The following BCAP29 variants were observed in gnomAD, a reference collection of about 807,000 sequenced individuals.
BCAP29 encodes the protein B-cell receptor-associated protein 29.
BCAP29 carries 34 observed loss-of-function variants against 31.8 expected under a neutral mutation model. That is an observed-to-expected ratio of 1.07 (90% confidence interval 0.81 to 1.42). The LOEUF (loss-of-function observed/expected upper bound fraction) is 1.42. Among genes scored for constraint, BCAP29 ranks in the 40% most tolerant of loss-of-function variants. BCAP29 has a pLI of 0.00. For missense variants in BCAP29, 314 were observed against 269.2 expected (o/e 1.17, Z -1.16); for synonymous variants, 104 against 91.3 (o/e 1.14, Z -0.79).
intron 5 of BCAP29, among the ~76,000 whole-genome samples, chr7:107,599,530 A>G (rs1388948175): frequency 3.4e-5 from 5 of 146,044 alleles, no homozygotes; most frequent in Non-Finnish European, 7.4e-5. Flanking sequence ...TTAAAAAAAA[A>G]AAAAGAAAAA....
intron 6 of BCAP29, among the ~76,000 whole-genome samples, chr7:107,606,703 AGAACAT>A (rs1812162327): frequency 6.6e-6 from 1 of 152,242 alleles, no homozygotes; most frequent in Non-Finnish European, 1.5e-5. Context: ...CTGTTTGTTT[AGAACAT>A]TTATTAGAAC....
downstream of BCAP29, chr7:107,620,618 T>A (rs1047413546): frequency 6.6e-6 from 1 of 152,170 alleles, no homozygotes; most frequent in African/African-American, 2.4e-5. Context: ...TATTAGACTT[T>A]CCCCCTACTT....
chr7:107,600,539 C>A, intron 6 of BCAP29, 34 bp downstream of exon 6: 1 of 1,304,982 alleles, frequency 7.7e-7, no homozygotes, highest in Non-Finnish European at 1.1e-6. Flanking sequence ...AGTAAAAAGA[C>A]TAGCATGATA....
chr7:107,588,242 A>G lies in BCAP29; in HGVS notation c.193+4260A>G, dbSNP rs572290856. Among the ~76,000 whole-genome samples, 35 of 152,342 alleles carry G rather than the reference A, an allele frequency of 2.3e-4. No homozygotes were observed. In the South Asian group the frequency reaches 7.0e-3, roughly 31 times the overall value. ...AGGAATAGATATGGCATACAAATATAAAGTCAAAAATTAAGGATTTTTTAA... is the reference window on the plus strand; with the variant it reads ...AGGAATAGATATGGCATACAAATATGAAGTCAAAAATTAAGGATTTTTTAA... On this transcript the variant is annotated intron_variant, in intron 3 of 7. Transcript: ENST00000005259.
At chr7:107,580,158 C>G (rs535157880), upstream of BCAP29, 2 of 152,270 alleles carry the variant, frequency 1.3e-5, no homozygotes, top group South Asian at 4.1e-4. Flanking sequence ...GTGACCTCAG[C>G]CGGGACGGAC....
At chr7:107,588,681 A>T (rs964081839) in intron 3 of BCAP29, among the ~76,000 whole-genome samples, 1 of 152,192 alleles carries the variant, frequency 6.6e-6, no homozygotes, top group African/African-American at 2.4e-5. Flanking sequence ...GGCATAGACA[A>T]CGATATAGAA....
chr7:107,605,045 AC>A (rs1223416092), intron 6 of BCAP29, among the ~76,000 whole-genome samples: 1 of 152,134 alleles, frequency 6.6e-6, no homozygotes, highest in African/African-American at 2.4e-5. Flanking sequence ...CTATCAGAGT[AC>A]TTTTCTTGGA....
In BCAP29 at chr7:107,613,319, C is replaced by T. The variant is rs746066300; in HGVS notation, c.590-13C>T. ...ATTCTGAAATAAAAATAAAACTATT[C>T]GATATTTTCTAGCCCTTTCTAAGGC... On this transcript the variant is annotated splice_polypyrimidine_tract_variant and intron_variant, in intron 6 of 7. Coordinates refer to ENST00000005259, the MANE Select transcript of BCAP29 (RefSeq NM_018844.4). 7.1e-6 allele frequency: 11 copies of T among 1,557,426 alleles called. No homozygotes were observed. Among genetic ancestry groups the T allele is most frequent in the East Asian group, 6.7e-5 (3 of 44,538 alleles).
chr7:107,604,459 A>G (rs971894442), intron 6 of BCAP29, among the ~76,000 whole-genome samples: 2 of 152,188 alleles, frequency 1.3e-5, no homozygotes, highest in South Asian at 4.1e-4. Context: ...TTTGTATACA[A>G]GTTTAAAACC....
At chr7:107,616,738 G>T (rs1286978414) in intron 7 of BCAP29, among the ~76,000 whole-genome samples, 1 of 151,894 alleles carries the variant, frequency 6.6e-6, no homozygotes, top group Non-Finnish European at 1.5e-5. Flanking sequence ...GCCCCATTTT[G>T]TTTGTTTGTT....
chr7:107,592,958 C>T (rs1809148671), intron 3 of BCAP29, among the ~76,000 whole-genome samples: 1 of 152,002 alleles, frequency 6.6e-6, no homozygotes, highest in Admixed American at 6.6e-5. Context: ...GTGGGGTGAC[C>T]AAAATGTTCT....
chr7:107,589,993 C>A (rs1808431293), intron 3 of BCAP29, among the ~76,000 whole-genome samples: 1 of 152,016 alleles, frequency 6.6e-6, no homozygotes, highest in Non-Finnish European at 1.5e-5. Context: ...ATCTGGAAAA[C>A]CTATACATGT....
intron 6 of BCAP29, among the ~76,000 whole-genome samples, chr7:107,601,314 A>T (rs751079823): frequency 6.6e-6 from 1 of 152,188 alleles, no homozygotes; most frequent in African/African-American, 2.4e-5. Flanking sequence ...GTGTTAAGGT[A>T]CGTTGTTTGG....
At chr7:107,584,222 A>G (rs7778270) in intron 3 of BCAP29, among the ~76,000 whole-genome samples, 112,558 of 152,178 alleles carry the variant, frequency 0.74, 41,834 homozygotes, top group South Asian at 0.84. Context: ...TTTAAGATTT[A>G]AATGCTGTAT....
intron 4 of BCAP29, 112 bp downstream of exon 4, chr7:107,594,217 T>G (rs1809393131): frequency 1.0e-6 from 1 of 973,492 alleles, no homozygotes; most frequent in African/African-American, 1.7e-5. Context: ...GAGACAACCT[T>G]TCGCTCTGTT....
chr7:107,612,394 TATATATATA>T (rs1813301657), intron 6 of BCAP29, among the ~76,000 whole-genome samples: 1 of 9,302 alleles, frequency 1.1e-4, no homozygotes, highest in African/African-American at 3.6e-4. Context: ...TATTGTTTTA[TATATATATA>T]TATATATATA....
intron 1 of BCAP29, 29 bp from the exon 2 acceptor site, chr7:107,580,730 C>T (rs377038667): frequency 3.4e-5 from 50 of 1,491,914 alleles, no homozygotes; most frequent in Non-Finnish European, 4.5e-5. Flanking sequence ...TGAAAGGAAG[C>T]AAGAGAAAAT....
In BCAP29 at chr7:107,580,855, C is replaced by T. The variant is rs1219055829; in HGVS notation, c.83C>T (p.Pro28Leu). 1.9e-6 allele frequency: 3 copies of T among 1,590,910 alleles called. No individual in the cohort carries two copies. The highest frequency in any genetic ancestry group is 2.7e-5 in the African/African-American group (2 of 73,166). Residue 28 changes from proline to leucine, a missense_variant, in exon 2 of 8, where the codon CCT becomes CTT. Physicochemically the swap from Pro to Leu is moderately conservative, Grantham distance 98 (BLOSUM62 -3). Coordinates refer to ENST00000005259, the MANE Select transcript of BCAP29 (RefSeq NM_018844.4). ...LILIFCLPFIPPQRWQKIFSF... is the reference protein window; with the variant it reads ...LILIFCLPFILPQRWQKIFSF... ...TTAATCTTCTGCCTACCTTTTATTC[C>T]TCCTCAGAGGTAGGAAACCTTCAAA...
chr7:107,621,351 GA>G (rs1814954374), downstream of BCAP29: 1 of 176,770 alleles, frequency 5.7e-6, no homozygotes. Context: ...TTTCTTTGCT[GA>G]ACGGCATTTT....
Sources: allele counts gnomAD v4.1 joint callset (sites outside exome capture counted in the v4.1 genomes callset), GRCh38; gene constraint gnomAD v4.1.1; transcripts MANE v1.5; gene names NCBI Gene and HGNC (gene_info 2026-07-23, HGNC 2026-07-21).